The following ITPR2 variants were observed in gnomAD, a reference collection of about 807,000 sequenced individuals.
ITPR2 encodes the protein inositol 1,4,5-trisphosphate receptor type 2.
Under a neutral mutation model 317.1 loss-of-function variants are expected in ITPR2, and 207 were observed. The observed-to-expected ratio is 0.65, with a 90% CI of 0.58 to 0.73. ITPR2 has a LOEUF of 0.73. Ranked by LOEUF, ITPR2 falls within the 30% of genes least tolerant of loss-of-function variation. The pLI, the probability that ITPR2 is intolerant of heterozygous loss-of-function variation, is 0.00. For missense variants in ITPR2, 2,613 were observed against 3,284.0 expected (o/e 0.80, Z 4.99); for synonymous variants, 1,156 against 1,149.1 (o/e 1.01, Z -0.12).
chr12:26,368,126 G>A (rs909374968), intron 55 of ITPR2, among the ~76,000 whole-genome samples: 8 of 152,140 alleles, frequency 5.3e-5, no homozygotes, highest in Non-Finnish European at 8.8e-5. Flanking sequence ...GCTTTTCTTC[G>A]AGCTTGGTAT....
At chr12:26,815,695 G>A (rs562360836) in intron 1 of ITPR2, among the ~76,000 whole-genome samples, 21 of 151,978 alleles carry the variant, frequency 1.4e-4, no homozygotes, top group Admixed American at 3.3e-4. Flanking sequence ...ATTGAGTAGC[G>A]TGCATTATCA....
chr12:26,592,612 G>C (rs1945734899), intron 32 of ITPR2, among the ~76,000 whole-genome samples: 1 of 152,210 alleles, frequency 6.6e-6, no homozygotes, highest in Non-Finnish European at 1.5e-5. Flanking sequence ...ATTTGAGTAA[G>C]TGCTGAAGAC....
intron 2 of ITPR2, among the ~76,000 whole-genome samples, chr12:26,780,867 G>A (rs1251182905): frequency 6.6e-6 from 1 of 152,144 alleles, no homozygotes; most frequent in African/African-American, 2.4e-5. Flanking sequence ...GCTGCCACCA[G>A]GAGGCACAAT....
chr12:26,507,888 TGTGTGTATGTCA>T (rs1234933166), intron 37 of ITPR2, among the ~76,000 whole-genome samples: 8 of 152,174 alleles, frequency 5.3e-5, no homozygotes, highest in Admixed American at 4.6e-4. Context: ...TGTGTGTGTG[TGTGTGTATGTCA>T]GTGTGTATGT....
chr12:26,500,939 C>A (rs1225080212), intron 37 of ITPR2, among the ~76,000 whole-genome samples: 3 of 152,066 alleles, frequency 2.0e-5, no homozygotes. Flanking sequence ...ACATTCATTC[C>A]CATCCCCTTA....
At chr12:26,384,364 T>A (rs1173366695) in intron 55 of ITPR2, among the ~76,000 whole-genome samples, 1 of 152,208 alleles carries the variant, frequency 6.6e-6, no homozygotes, top group African/African-American at 2.4e-5. Context: ...TTCATTTCCA[T>A]CAGACCTGAG....
intron 30 of ITPR2, among the ~76,000 whole-genome samples, chr12:26,598,850 T>G (rs1268848525): frequency 6.6e-6 from 1 of 152,180 alleles, no homozygotes; most frequent in Non-Finnish European, 1.5e-5. Context: ...AATATAAAAT[T>G]TTGTCACTTT....
At chr12:26,626,918 C>A (rs934446875) in intron 23 of ITPR2, among the ~76,000 whole-genome samples, 1 of 151,954 alleles carries the variant, frequency 6.6e-6, no homozygotes, top group African/African-American at 2.4e-5. Flanking sequence ...ATAAGACATA[C>A]TTTTCAGCCT....
At chr12:26,427,574 C>A (rs781405455) in intron 49 of ITPR2, among the ~76,000 whole-genome samples, 1 of 151,968 alleles carries the variant, frequency 6.6e-6, no homozygotes, top group African/African-American at 2.4e-5. Context: ...GGATGATTTA[C>A]GATGTCACTT....
chr12:26,638,472 A>C (rs1018140250), intron 21 of ITPR2, among the ~76,000 whole-genome samples: 1 of 152,132 alleles, frequency 6.6e-6, no homozygotes, highest in African/African-American at 2.4e-5. Flanking sequence ...AATTCCCCCC[A>C]AATTTCTCCC....
rs147364120 is a variant in ITPR2, at chr12:26,594,114, T to C, written c.4380+1351A>G. 8.5e-5 allele frequency among the ~76,000 whole-genome samples: 13 copies of C among 152,300 alleles called. No homozygotes were observed. In the East Asian group the frequency reaches 2.5e-3, roughly 29 times the overall value. On this transcript the variant is annotated intron_variant, in intron 32 of 56. Transcript: ENST00000381340. ...TTTTCACAAGGTCAATGGGGACACATATGAGTACTATGTTAAATGCTGCAT... is the reference window on the plus strand; with the variant it reads ...TTTTCACAAGGTCAATGGGGACACACATGAGTACTATGTTAAATGCTGCAT...
chr12:26,588,119 G>A (rs545426437), intron 32 of ITPR2, among the ~76,000 whole-genome samples: 1 of 152,322 alleles, frequency 6.6e-6, no homozygotes, highest in East Asian at 1.9e-4. Context: ...AATGAATAAA[G>A]AGTTTGAGGT....
intron 55 of ITPR2, among the ~76,000 whole-genome samples, chr12:26,350,704 C>T (rs1373935199): frequency 3.9e-5 from 6 of 152,048 alleles, no homozygotes; most frequent in Non-Finnish European, 7.4e-5. Flanking sequence ...CCACAGCCCC[C>T]GAGAACCCAC....
intron 37 of ITPR2, among the ~76,000 whole-genome samples, chr12:26,516,275 G>GGAAGGGAAGGGAAA (rs1565574550): frequency 2.6e-5 from 1 of 37,806 alleles, no homozygotes. Flanking sequence ...AGGAAAGGAA[G>GGAAGGGAAGGGAAA]GGAAGGGAAG....
chr12:26,358,898 A>G (rs1938730529), intron 55 of ITPR2, among the ~76,000 whole-genome samples: 1 of 151,648 alleles, frequency 6.6e-6, no homozygotes, highest in East Asian at 1.9e-4. Context: ...TGATTCCTAG[A>G]CCTCTCCATG....
intron 1 of ITPR2, among the ~76,000 whole-genome samples, chr12:26,823,186 G>A (rs2137297323): frequency 6.6e-6 from 1 of 152,210 alleles, no homozygotes; most frequent in East Asian, 1.9e-4. Flanking sequence ...AAAATTGCCT[G>A]ACATTGCAGT....
intron 26 of ITPR2, among the ~76,000 whole-genome samples, chr12:26,619,039 T>C (rs971103106): frequency 2.0e-5 from 3 of 152,226 alleles, no homozygotes; most frequent in African/African-American, 7.2e-5. Context: ...CAATACTCTA[T>C]TTCTTAAGCT....
At chr12:26,563,083 C>G (rs1425324858) in intron 34 of ITPR2, among the ~76,000 whole-genome samples, 1 of 151,974 alleles carries the variant, frequency 6.6e-6, no homozygotes, top group Non-Finnish European at 1.5e-5. Flanking sequence ...AAGCTAAGGC[C>G]CTCCTCCCTC....
chr12:26,454,297 C>T (rs1333418435), intron 45 of ITPR2, among the ~76,000 whole-genome samples: 9 of 152,024 alleles, frequency 5.9e-5, no homozygotes, highest in Non-Finnish European at 8.8e-5. Flanking sequence ...CTCTGCCTCC[C>T]GGGTTCAAGT....
Sources: allele counts gnomAD v4.1 joint callset (sites outside exome capture counted in the v4.1 genomes callset), GRCh38; gene constraint gnomAD v4.1.1; transcripts MANE v1.5; gene names NCBI Gene and HGNC (gene_info 2026-07-23, HGNC 2026-07-21).